The following RFX4 variants were observed in gnomAD, a reference collection of about 807,000 sequenced individuals.
RFX4 encodes transcription factor RFX4.
Under a neutral mutation model 95.0 loss-of-function variants are expected in RFX4, and 10 were observed. That is an observed-to-expected ratio of 0.11 (90% CI 0.06 to 0.18). The LOEUF (loss-of-function observed/expected upper bound fraction) is 0.18, where lower values mean the gene tolerates loss of function less well. RFX4 is among the 10% of genes least tolerant of loss of function. The pLI is 1.00. For missense variants in RFX4, 640 were observed against 922.0 expected, an observed-to-expected ratio of 0.69 and a Z score of 3.96; for synonymous variants, 321 against 340.7, an observed-to-expected ratio of 0.94 and a Z score of 0.64.
chr12:106,677,410 G>C (rs559882761), intron 4 of RFX4, among the ~76,000 whole-genome samples: 10 of 152,254 alleles, frequency 6.6e-5, no homozygotes, highest in Admixed American at 6.5e-4. Flanking sequence ...ATTTCAGGCT[G>C]GGCAGCTGGG....
At chr12:106,756,962 A>C (rs1395995046) in intron 17 of RFX4, among the ~76,000 whole-genome samples, 2 of 152,152 alleles carry the variant, frequency 1.3e-5, no homozygotes, top group Non-Finnish European at 2.9e-5. Context: ...CTCAGTAAAT[A>C]CTTGTCAATG....
chr12:106,645,939 C>T (rs2040735080), intron 3 of RFX4: 2 of 1,289,114 alleles, frequency 1.6e-6, no homozygotes, highest in African/African-American at 1.5e-5. Flanking sequence ...GGAGAAAGGT[C>T]AGTTAAGCTG....
intron 2 of RFX4, among the ~76,000 whole-genome samples, chr12:106,617,679 C>T (rs1049707014): frequency 3.3e-5 from 5 of 152,006 alleles, no homozygotes; most frequent in Admixed American, 6.6e-5. Context: ...AATGTCCATG[C>T]ACACTTGAAA....
Position 106,735,177 on chromosome 12 carries a change from A to T in RFX4, c.1633+2092A>T, listed in dbSNP as rs555373250. Among the ~76,000 whole-genome samples, 7 of 152,274 alleles carry T rather than the reference A, an allele frequency of 4.6e-5. No homozygotes were observed. The South Asian group carries it at 1.2e-3, about 27-fold the overall frequency. Reference sequence around the variant, plus strand: ...AATAATTTCAATAGATAGGTTGAATATTAGAAAATTAGATTCAACTGAAAG... The same window carrying T: ...AATAATTTCAATAGATAGGTTGAATTTTAGAAAATTAGATTCAACTGAAAG... On this transcript the variant is annotated intron_variant, in intron 15 of 17. Transcript: ENST00000392842.
At chr12:106,615,795 T>C (rs1171221706) in intron 2 of RFX4, among the ~76,000 whole-genome samples, 1 of 152,246 alleles carries the variant, frequency 6.6e-6, no homozygotes, top group Non-Finnish European at 1.5e-5. Context: ...TAGCATATGA[T>C]AATCAATTAT....
intron 2 of RFX4, among the ~76,000 whole-genome samples, chr12:106,636,261 G>T (rs764282398): frequency 2.0e-5 from 3 of 151,882 alleles, no homozygotes; most frequent in Non-Finnish European, 4.4e-5. Context: ...GTGGTTGTGG[G>T]CACCTGTAAT....
chr12:106,732,916 A>G lies in RFX4; in HGVS notation c.1472-8A>G, dbSNP rs780281233. 1.9e-6 allele frequency: 3 copies of G among 1,612,798 alleles called. No individual in the cohort carries two copies. The South Asian group carries it at 3.3e-5, about 18-fold the overall frequency. ...GGTTTTAAAAACTTACCCTATCTCT[A>G]TCCACAGCAGAAGTCCGAGAAGAGA... On this transcript the variant is annotated splice_region_variant and splice_polypyrimidine_tract_variant and intron_variant, in intron 14 of 17. Transcript: ENST00000392842.
chr12:106,645,906 T>A (rs1201519730), intron 3 of RFX4: 1 of 1,289,038 alleles, frequency 7.8e-7, no homozygotes, highest in Non-Finnish European at 1.0e-6. Flanking sequence ...ACTGTGTCCC[T>A]CCGGATGACC....
chr12:106,725,071 T>C (rs1220251928), intron 13 of RFX4, among the ~76,000 whole-genome samples: 3 of 151,734 alleles, frequency 2.0e-5, no homozygotes, highest in African/African-American at 7.3e-5. Flanking sequence ...AATGTTCTAG[T>C]TATTGTTGCC....
At chr12:106,610,048 T>A (rs148308036) in intron 2 of RFX4, among the ~76,000 whole-genome samples, 1,734 of 152,284 alleles carry the variant, frequency 0.011, 21 homozygotes, top group Non-Finnish European at 0.018. Flanking sequence ...TGTATGAGTA[T>A]ATCACAGTTT....
intron 2 of RFX4, among the ~76,000 whole-genome samples, chr12:106,633,330 A>G (rs1313551020): frequency 4.6e-5 from 7 of 152,200 alleles, no homozygotes; most frequent in Admixed American, 4.6e-4. Context: ...TTCACCAGCT[A>G]CATGGCCTCA....
chr12:106,691,124 C>T (rs1366415498), intron 7 of RFX4, among the ~76,000 whole-genome samples: 1 of 151,976 alleles, frequency 6.6e-6, no homozygotes, highest in African/African-American at 2.4e-5. Flanking sequence ...GGCTTCAAGT[C>T]CCAGGCTTGG....
chr12:106,691,175 T>A (rs1236582920), intron 7 of RFX4, among the ~76,000 whole-genome samples: 1 of 152,174 alleles, frequency 6.6e-6, no homozygotes, highest in African/African-American at 2.4e-5. Flanking sequence ...CAATTCCTCA[T>A]CCTAGAAATG....
At position 106,592,868 on chromosome 12, in the gene RFX4, A is replaced by G. The variant is rs149473899; in HGVS notation, c.43+9505A>G. Among the ~76,000 whole-genome samples, 209 of 152,288 alleles carry G rather than the reference A, an allele frequency of 1.4e-3. 1 individual carries two copies. The highest frequency in any genetic ancestry group is 4.6e-3 in the South Asian group (22 of 4,822). ...TTTTTGTCTTTACACTTTGATGTTT[A>G]CTAACACTGCAGTTTTTGAGTTCTT... On this transcript the variant is annotated intron_variant, in intron 1 of 17. Transcript: ENST00000392842.
chr12:106,675,075 G>A (rs1264417133), intron 4 of RFX4, among the ~76,000 whole-genome samples: 2 of 152,192 alleles, frequency 1.3e-5, no homozygotes, highest in Non-Finnish European at 2.9e-5. Flanking sequence ...AATTAGGCAG[G>A]AAGAACAAGT....
At chr12:106,619,883 T>C (rs905481832) in intron 2 of RFX4, among the ~76,000 whole-genome samples, 2 of 152,182 alleles carry the variant, frequency 1.3e-5, no homozygotes, top group Non-Finnish European at 2.9e-5. Context: ...CAAGTGATCT[T>C]AATTTCAGAT....
chr12:106,636,122 A>G (rs2040505745), intron 2 of RFX4, among the ~76,000 whole-genome samples: 1 of 152,200 alleles, frequency 6.6e-6, no homozygotes, highest in African/African-American at 2.4e-5. Flanking sequence ...ATGCTTGAGC[A>G]GAAGGGATGG....
At chr12:106,635,939 T>C (rs2137271437) in intron 2 of RFX4, among the ~76,000 whole-genome samples, 1 of 152,356 alleles carries the variant, frequency 6.6e-6, no homozygotes, top group East Asian at 1.9e-4. Context: ...GTTTAGGGGT[T>C]CACTTACCCA....
At chr12:106,602,651 G>A (rs2137186674) in intron 1 of RFX4, among the ~76,000 whole-genome samples, 1 of 152,244 alleles carries the variant, frequency 6.6e-6, no homozygotes, top group East Asian at 1.9e-4. Flanking sequence ...CTGGGGTTGG[G>A]GGTAACCTTC....
Sources: allele counts gnomAD v4.1 joint callset (sites outside exome capture counted in the v4.1 genomes callset), GRCh38; gene constraint gnomAD v4.1.1; transcripts MANE v1.5; gene names NCBI Gene and HGNC (gene_info 2026-07-23, HGNC 2026-07-21).